Variants in TBXAS1 observed in about 807,000 individuals in gnomAD.
The protein encoded by TBXAS1 is thromboxane A synthase 1, also known as thromboxane-A synthase.
Under a neutral mutation model 60.7 loss-of-function variants are expected in TBXAS1, and 48 were observed. The observed-to-expected ratio is 0.79, with a 90% CI of 0.63 to 1.01. The LOEUF (loss-of-function observed/expected upper bound fraction) is 1.01, where lower values mean the gene tolerates loss of function less well. TBXAS1 is among the 50% of genes least tolerant of loss of function. TBXAS1 has a pLI of 0.00. For synonymous variants in TBXAS1, 287 were observed against 269.7 expected (o/e 1.06, Z -0.63); for missense variants, 685 against 686.3 (o/e 1.00, Z 0.02).
intron 1 of TBXAS1, among the ~76,000 whole-genome samples, chr7:139,868,007 C>T (rs561976595): frequency 2.6e-5 from 4 of 152,194 alleles, no homozygotes; most frequent in African/African-American, 9.6e-5. Flanking sequence ...TGTCCTGTAG[C>T]GTTTAATGAC....
intron 4 of TBXAS1, among the ~76,000 whole-genome samples, chr7:139,935,466 C>G (rs527364704): frequency 1.3e-5 from 2 of 152,176 alleles, no homozygotes; most frequent in South Asian, 4.2e-4. Flanking sequence ...GCAGAACGCC[C>G]AGATATAGAA....
chr7:139,896,321 G>A lies in TBXAS1; in HGVS notation c.237-14904G>A, dbSNP rs138675471. Among the ~76,000 whole-genome samples the A allele has an allele frequency of 2.7e-3, 406 of 152,296 alleles. 6 individuals are homozygous for A. The highest frequency in any genetic ancestry group is 0.02 in the Admixed American group (310 of 15,296). ...CTTCACAAAGAGGGGCAGGTGACCC[G>A]ACTGTCTGAAGTTTTCCAAACTAAC... On this transcript the variant is annotated intron_variant, in intron 3 of 12. Transcript: ENST00000448866. This position sits in a 1 kb window ranked among gnomAD's most constrained non-coding sequence, Gnocchi z 4.0.
At chr7:139,804,598 A>C (rs1797797128) in intron 4 of TBXAS1, among the ~76,000 whole-genome samples, 1 of 152,176 alleles carries the variant, frequency 6.6e-6, no homozygotes, top group African/African-American at 2.4e-5. Context: ...TCTCATCTTG[A>C]ATTGTAGCTC....
chr7:139,935,623 G>A (rs1807693868), intron 4 of TBXAS1, among the ~76,000 whole-genome samples: 2 of 151,738 alleles, frequency 1.3e-5, no homozygotes, highest in Admixed American at 1.3e-4. Flanking sequence ...ATGACCAATA[G>A]AACACAGAAA....
intron 8 of TBXAS1, among the ~76,000 whole-genome samples, chr7:139,961,302 A>G (rs991878539): frequency 1.3e-5 from 2 of 152,362 alleles, no homozygotes; most frequent in South Asian, 2.1e-4. Context: ...GTGGCTGCCC[A>G]TCTAAGCCCT....
chr7:139,936,114 T>C (rs1002362735), intron 4 of TBXAS1, 77 bp from the exon 5 acceptor site: 69 of 1,360,262 alleles, frequency 5.1e-5, no homozygotes, highest in Admixed American at 6.7e-5. Context: ...ACCAGGGTGT[T>C]TGTCATGGAC....
At chr7:139,803,211 T>G (rs1797764002) in intron 4 of TBXAS1, among the ~76,000 whole-genome samples, 1 of 152,146 alleles carries the variant, frequency 6.6e-6, no homozygotes, top group South Asian at 2.1e-4. Context: ...ATGCTGATAG[T>G]GATATGGACA....
chr7:140,007,172 C>G lies in TBXAS1; in HGVS notation c.1216C>G (p.Pro406Ala). ...TGCAGAGACGCTGAGGATGTACCCGCCAGCTTTCAGGTGTGTGGTAGCCCC... is the reference window on the plus strand; with the variant it reads ...TGCAGAGACGCTGAGGATGTACCCGGCAGCTTTCAGGTGTGTGGTAGCCCC... Reference protein sequence around the residue: ...VIAETLRMYPPAFRFTREAAQ... With the variant: ...VIAETLRMYPAAFRFTREAAQ... Residue 406 changes from proline (P) to alanine (A), a missense_variant, in exon 10 of 13, where the codon CCA becomes GCA. Pro to Ala is a conservative substitution (Grantham distance 27). Transcript: ENST00000448866. The G allele has an allele frequency of 6.2e-7, 1 of 1,614,140 alleles. No individual in the cohort carries two copies. The highest frequency in any genetic ancestry group is 8.5e-7 in the Non-Finnish European group (1 of 1,180,006).
chr7:139,929,583 A>G (rs961978769), intron 4 of TBXAS1, among the ~76,000 whole-genome samples: 2 of 152,244 alleles, frequency 1.3e-5, no homozygotes, highest in African/African-American at 4.8e-5. Context: ...ACATACTGAC[A>G]TATTGATTCT....
chr7:139,863,886 A>G (rs1801154440), intron 1 of TBXAS1, among the ~76,000 whole-genome samples: 1 of 152,224 alleles, frequency 6.6e-6, no homozygotes, highest in South Asian at 2.1e-4. Context: ...CTAATCAAGA[A>G]CAACTTTTCC....
rs949112673 is a variant in TBXAS1 at position 139,975,018 on chromosome 7, G to A, written c.1134+12785G>A. ...TCATGTAATTTATGGAGTTTGGCAAGTGTGAAGTCTGCAGGGCAGGCTGGC... is the reference window on the plus strand; with the variant it reads ...TCATGTAATTTATGGAGTTTGGCAAATGTGAAGTCTGCAGGGCAGGCTGGC... On this transcript the variant is annotated intron_variant, in intron 9 of 12. Coordinates refer to ENST00000448866, the MANE Select transcript of TBXAS1 (RefSeq NM_001061.7). This position sits in a 1 kb window ranked among gnomAD's most constrained non-coding sequence, Gnocchi z 4.4. Among the ~76,000 whole-genome samples, 1 of 152,212 alleles carries A rather than the reference G, an allele frequency of 6.6e-6. No homozygotes were observed. The highest frequency in any genetic ancestry group is 1.5e-5 in the Non-Finnish European group (1 of 68,042).
rs1255820616 is a variant in TBXAS1, at chr7:140,020,100, C to T, written c.*1C>T. 1 of 1,613,086 alleles carries T rather than the reference C, an allele frequency of 6.2e-7. No individual in the cohort carries two copies. The highest frequency in any genetic ancestry group is 1.1e-5 in the South Asian group (1 of 91,044). On this transcript the variant is annotated 3_prime_UTR_variant, in exon 13 of 13. Coordinates refer to ENST00000448866, the MANE Select transcript of TBXAS1 (RefSeq NM_001061.7). Reference sequence around the variant, plus strand: ...CTATATCAAGATCGTATCCCGCTGACACAGAAGGCTGCCGGGTGGGGGGAG... The same window carrying T: ...CTATATCAAGATCGTATCCCGCTGATACAGAAGGCTGCCGGGTGGGGGGAG...
chr7:139,851,069 C>A (rs979173472), intron 1 of TBXAS1, among the ~76,000 whole-genome samples: 1 of 152,208 alleles, frequency 6.6e-6, no homozygotes, highest in South Asian at 2.1e-4. Flanking sequence ...CCAAAGCATC[C>A]CATTGGCCTT....
chr7:139,947,323 C>T (rs1035541578), intron 5 of TBXAS1, among the ~76,000 whole-genome samples: 1 of 152,086 alleles, frequency 6.6e-6, no homozygotes, highest in Non-Finnish European at 1.5e-5. Flanking sequence ...AACAGAAAAC[C>T]GAACACCACA....
chr7:139,815,030 T>A (rs141831423), intron 4 of TBXAS1, among the ~76,000 whole-genome samples: 52 of 152,368 alleles, frequency 3.4e-4, no homozygotes, highest in African/African-American at 1.1e-3. Flanking sequence ...CAACCCCAGC[T>A]GTGAGCTGAA....
intron 1 of TBXAS1, among the ~76,000 whole-genome samples, chr7:139,842,343 G>A (rs147367141): frequency 2.2e-3 from 340 of 152,232 alleles, no homozygotes; most frequent in African/African-American, 7.7e-3. Flanking sequence ...GGTGCTCAGC[G>A]ATGCCTTCCC....
chr7:139,955,286 G>A (rs996674760), intron 6 of TBXAS1, among the ~76,000 whole-genome samples, 173 bp from the exon 7 acceptor site: 1 of 152,096 alleles, frequency 6.6e-6, no homozygotes, highest in Non-Finnish European at 1.5e-5. Flanking sequence ...GCCCCATCCA[G>A]GAGCCCATCT....
At chr7:139,932,038 G>T (rs1473956583) in intron 4 of TBXAS1, among the ~76,000 whole-genome samples, 1 of 151,626 alleles carries the variant, frequency 6.6e-6, no homozygotes, top group African/African-American at 2.4e-5. Flanking sequence ...TTAAGATGGG[G>T]CACCTGTAGT....
intron 5 of TBXAS1, among the ~76,000 whole-genome samples, chr7:139,950,564 C>T (rs1190686646): frequency 2.0e-5 from 3 of 152,120 alleles, no homozygotes; most frequent in Non-Finnish European, 2.9e-5. Flanking sequence ...GTTGTTCAGC[C>T]GTCCATAGCG....
Sources: gnomAD v4.1 joint callset for allele counts (sites outside exome capture counted in the v4.1 genomes callset) on GRCh38, gnomAD v4.1.1 for gene constraint, Gnocchi (gnomAD v3.1) non-coding constraint, MANE v1.5 for transcripts, NCBI Gene and HGNC (gene_info 2026-07-23, HGNC 2026-07-21) for gene names.